The following HIP1 variants were observed in gnomAD, a reference collection of about 807,000 sequenced individuals.
HIP1 encodes the protein huntingtin interacting protein 1.
HIP1 carries 65 observed loss-of-function variants against 147.6 expected under a neutral mutation model. The ratio of observed to expected loss-of-function variants is 0.44; its 90% confidence interval spans 0.36 to 0.54. The LOEUF (loss-of-function observed/expected upper bound fraction) is 0.54. Among genes scored for constraint, HIP1 ranks in the 20% least tolerant of loss-of-function variants. The pLI is 0.00. For synonymous variants in HIP1, 479 were observed against 504.0 expected, an observed-to-expected ratio of 0.95 and a Z score of 0.67; for missense variants, 1,061 against 1,299.6, an observed-to-expected ratio of 0.82 and a Z score of 2.82.
chr7:75,597,952 C>T (rs1554502283), intron 2 of HIP1, among the ~76,000 whole-genome samples: 1 of 152,146 alleles, frequency 6.6e-6, no homozygotes, highest in East Asian at 1.9e-4. Context: ...CTCTACAAAG[C>T]CACAGGCTGC....
chr7:75,673,211 CAG>C (rs1176914030), intron 1 of HIP1, among the ~76,000 whole-genome samples: 1 of 151,900 alleles, frequency 6.6e-6, no homozygotes, highest in African/African-American at 2.4e-5. Flanking sequence ...TTAGTAGAGA[CAG>C]AGTTTCACTA....
chr7:75,668,691 A>AGCT (rs572522354), intron 1 of HIP1, among the ~76,000 whole-genome samples: 112 of 152,284 alleles, frequency 7.4e-4, no homozygotes, highest in African/African-American at 2.6e-3. Context: ...TAGCACCATC[A>AGCT]GCTCACCGCT....
intron 1 of HIP1, among the ~76,000 whole-genome samples, chr7:75,701,051 T>C (rs1336937112): frequency 1.3e-5 from 2 of 152,152 alleles, no homozygotes; most frequent in African/African-American, 4.8e-5. Flanking sequence ...ATGACTGCTG[T>C]AGCCTCTCCG....
At chr7:75,602,634 C>T (rs1554503213) in intron 1 of HIP1, among the ~76,000 whole-genome samples, 1 of 151,246 alleles carries the variant, frequency 6.6e-6, no homozygotes, top group Non-Finnish European at 1.5e-5. Flanking sequence ...TCCCGAGTAG[C>T]TGGGACTACA....
chr7:75,647,743 G>C (rs1382152426), intron 1 of HIP1, among the ~76,000 whole-genome samples: 1 of 152,256 alleles, frequency 6.6e-6, no homozygotes, highest in African/African-American at 2.4e-5. Flanking sequence ...GACCTGGACA[G>C]ACCAGCCAGT....
Position 75,552,175 on chromosome 7 carries a change from G to A in HIP1, c.2295+1278C>T, listed in dbSNP as rs1181966510. Reference sequence around the variant, plus strand: ...CAAAATGTTGGGATTACAGGCGTGAGCCACCGTGCCTGGCCCTATCCTTGT... The same window carrying A: ...CAAAATGTTGGGATTACAGGCGTGAACCACCGTGCCTGGCCCTATCCTTGT... On this transcript the variant is annotated intron_variant, in intron 22 of 30. Transcript: ENST00000336926. Among the ~76,000 whole-genome samples the A allele has an allele frequency of 1.6e-4, 25 of 152,242 alleles. 1 individual carries two copies. Among genetic ancestry groups the A allele is most frequent in the Non-Finnish European group, 8.8e-5 (6 of 68,020 alleles).
intron 25 of HIP1, 44 bp from the exon 26 acceptor site, chr7:75,545,232 G>T: frequency 9.0e-7 from 1 of 1,108,266 alleles, no homozygotes; most frequent in Non-Finnish European, 1.4e-6. Flanking sequence ...TATTGAGCAT[G>T]TACTATATGG....
At chr7:75,650,650 G>A (rs1411465669) in intron 1 of HIP1, among the ~76,000 whole-genome samples, 1 of 151,990 alleles carries the variant, frequency 6.6e-6, no homozygotes, top group African/African-American at 2.4e-5. Context: ...ACGGGGTTTC[G>A]CCATGTTGGC....
Position 75,599,205 on chromosome 7 carries a change from C to T in HIP1, c.163G>A (p.Val55Ile). The T allele has an allele frequency of 6.2e-7, 1 of 1,613,196 alleles. No homozygotes were observed. The highest frequency in any genetic ancestry group is 8.5e-7 in the Non-Finnish European group (1 of 1,179,164). ...ATATTTCTGGCGTGTTTTTCCTTTA[C>T]AGCCACTTCCTGCGTATTAATGGCC... is the stretch of plus-strand genomic sequence containing the variant. ...NKAINTQEVA[V>I]KEKHARTCIL... Residue 55 changes from valine (V) to isoleucine (I), a missense_variant, in exon 2 of 31, where the codon GTA becomes ATA. Transcript: ENST00000336926.
chr7:75,606,937 A>G (rs142074731), intron 1 of HIP1, among the ~76,000 whole-genome samples: 100 of 152,234 alleles, frequency 6.6e-4, no homozygotes, highest in African/African-American at 2.2e-3. Context: ...AGGCTTAGAA[A>G]GGCTAAGTAA....
intron 1 of HIP1, among the ~76,000 whole-genome samples, chr7:75,718,556 G>C (rs1188457955): frequency 1.3e-5 from 2 of 152,298 alleles, no homozygotes; most frequent in Middle Eastern, 3.4e-3. Flanking sequence ...ATCAGCAACT[G>C]ATAACAGGCA....
intron 4 of HIP1, 23 bp from the exon 5 acceptor site, chr7:75,586,856 C>G: frequency 6.9e-7 from 1 of 1,451,364 alleles, no homozygotes; most frequent in Non-Finnish European, 9.7e-7. Flanking sequence ...GGAGGGGAAA[C>G]AGAGTCAACA....
In HIP1 at chr7:75,535,114, A is replaced by G. The variant is rs1342054691; in HGVS notation, c.*3058T>C. ...AGTAATTATGTGACATCTGACAGCT[A>G]CTTCCTCATGTGACACTGAATTAGC... is the stretch of plus-strand genomic sequence containing the variant. On this transcript the variant is annotated 3_prime_UTR_variant, in exon 31 of 31. Coordinates refer to ENST00000336926, the MANE Select transcript of HIP1 (RefSeq NM_005338.7). 4.6e-6 allele frequency: 1 copy of G among 216,452 alleles called. No homozygotes were observed. The highest frequency in any genetic ancestry group is 9.3e-6 in the Non-Finnish European group (1 of 107,438). 13.4% of individuals were successfully genotyped at this position (216,452 alleles called of 1,614,324 possible).
intron 1 of HIP1, among the ~76,000 whole-genome samples, chr7:75,642,167 G>A (rs1798671638): frequency 6.6e-6 from 1 of 152,332 alleles, no homozygotes; most frequent in African/African-American, 2.4e-5. Context: ...GGGAGGCTGA[G>A]GTGGGAGGAT....
chr7:75,610,096 T>G (rs1173821602), intron 1 of HIP1, among the ~76,000 whole-genome samples: 1 of 151,832 alleles, frequency 6.6e-6, no homozygotes, highest in East Asian at 1.9e-4. Flanking sequence ...AGAGACAGGG[T>G]TTCGCCATGT....
At chr7:75,706,559 A>C (rs1352764145) in intron 1 of HIP1, among the ~76,000 whole-genome samples, 1 of 145,594 alleles carries the variant, frequency 6.9e-6, no homozygotes, top group African/African-American at 2.7e-5. Flanking sequence ...CATGTGCACA[A>C]CGTGCAAGTT....
chr7:75,731,577 C>A (rs565722687), intron 1 of HIP1, among the ~76,000 whole-genome samples: 1 of 151,590 alleles, frequency 6.6e-6, no homozygotes, highest in Admixed American at 6.6e-5. Flanking sequence ...CCTGCTCAGA[C>A]TTCAGGCAAG....
chr7:75,637,992 C>CACACACATA (rs1563261802), intron 1 of HIP1, among the ~76,000 whole-genome samples: 1 of 48,622 alleles, frequency 2.1e-5, no homozygotes, highest in African/African-American at 8.7e-5. Flanking sequence ...CCCCCCCCCC[C>CACACACATA]CACACACACA....
chr7:75,675,978 C>A (rs1397501464), intron 1 of HIP1, among the ~76,000 whole-genome samples: 1 of 152,064 alleles, frequency 6.6e-6, no homozygotes, highest in Non-Finnish European at 1.5e-5. Context: ...TGGCTTTTTC[C>A]CCCTAAGGAT....
Sources: gnomAD v4.1 joint callset for allele counts (sites outside exome capture counted in the v4.1 genomes callset) on GRCh38, gnomAD v4.1.1 for gene constraint, MANE v1.5 for transcripts, NCBI Gene and HGNC (gene_info 2026-07-23, HGNC 2026-07-21) for gene names.